The following NELFB variants were observed in gnomAD, a reference collection of about 807,000 sequenced individuals.
NELFB encodes negative elongation factor B.
A neutral mutation model predicts 60.2 loss-of-function variants in NELFB; 34 were observed. The ratio of observed to expected loss-of-function variants is 0.56; its 90% CI spans 0.43 to 0.75. NELFB has a LOEUF of 0.75. NELFB is among the 30% of genes least tolerant of loss of function. The probability of loss-of-function intolerance (pLI) is 0.00; values close to 1 mark genes in which losing one functional copy is unlikely to be tolerated. For missense variants in NELFB, 770 were observed against 831.6 expected (o/e 0.93, Z 0.91); for synonymous variants, 459 against 382.1 (o/e 1.20, Z -2.35).
chr9:137,257,471 C>T (rs371131931), intron 4 of NELFB, among the ~76,000 whole-genome samples: 3 of 151,276 alleles, frequency 2.0e-5, no homozygotes, highest in Admixed American at 6.6e-5. Flanking sequence ...TACAGGCGCC[C>T]GCCACCATGC....
At chr9:137,268,368 G>C (rs1340353462) in intron 10 of NELFB, among the ~76,000 whole-genome samples, 1 of 152,160 alleles carries the variant, frequency 6.6e-6, no homozygotes, top group Non-Finnish European at 1.5e-5. Flanking sequence ...GGCGGATCAC[G>C]AGGTCAGGAG....
At chr9:137,263,314 T>G in intron 5 of NELFB, 92 bp downstream of exon 5, 8 of 965,698 alleles carry the variant, frequency 8.3e-6, no homozygotes, top group Middle Eastern at 3.5e-4. Context: ...CCCTCCCTCC[T>G]TCCCCCACTG....
At chr9:137,256,717 G>A in intron 3 of NELFB, 107 bp from the exon 4 acceptor site, 1 of 1,014,116 alleles carries the variant, frequency 9.9e-7, no homozygotes, top group East Asian at 2.6e-5. Context: ...CCTGTGGGGT[G>A]GAGCTTAGCT....
At chr9:137,270,577 G>T (rs964644495) in intron 10 of NELFB, among the ~76,000 whole-genome samples, 1 of 151,900 alleles carries the variant, frequency 6.6e-6, no homozygotes, top group African/African-American at 2.4e-5. Context: ...GTGACAGAGC[G>T]AGACTCCGTC....
chr9:137,256,055 G>A lies in NELFB; in HGVS notation c.395G>A (p.Gly132Glu), dbSNP rs1297574121. 6 of 1,613,196 alleles carry A rather than the reference G, an allele frequency of 3.7e-6. No individual in the cohort carries two copies. The highest frequency in any genetic ancestry group is 1.3e-5 in the African/African-American group (1 of 74,928). The change falls in exon 2 of 13, where the codon GGG (glycine) becomes GAG (glutamate). Residue 132 changes from glycine (G) to glutamate (E), a missense_variant. Transcript: ENST00000343053. ...CGAGTGTCAGCCATCGCTTCGGAGG[G>A]GAAGGCTGAGGAAAGGTGGGTCAGC...
At chr9:137,270,489 G>A (rs1309889742) in intron 10 of NELFB, among the ~76,000 whole-genome samples, 1 of 150,324 alleles carries the variant, frequency 6.7e-6, no homozygotes, top group Non-Finnish European at 1.5e-5. Context: ...ACTCGGGAGG[G>A]TGAGGCAGGA....
At chr9:137,265,445 G>C (rs936954052) in intron 6 of NELFB, among the ~76,000 whole-genome samples, 3 of 142,956 alleles carry the variant, frequency 2.1e-5, no homozygotes, top group African/African-American at 5.3e-5. Flanking sequence ...CTGGAGTGCA[G>C]TGACGCGATC....
At chr9:137,262,694 C>T (rs751748996) in intron 4 of NELFB, among the ~76,000 whole-genome samples, 1 of 152,102 alleles carries the variant, frequency 6.6e-6, no homozygotes, top group East Asian at 1.9e-4. Context: ...AGTTGGGTGT[C>T]GTGGCATGCA....
At chr9:137,260,452 G>T (rs1447372374) in intron 4 of NELFB, among the ~76,000 whole-genome samples, 12 of 106,032 alleles carry the variant, frequency 1.1e-4, no homozygotes, top group Middle Eastern at 5.9e-3. Flanking sequence ...ATTTTAGTTT[G>T]TTTTATTTTT....
In NELFB at chr9:137,269,211, TC is replaced by T. The variant is rs1830553850; in HGVS notation, c.1489+1866del. 6.6e-6 allele frequency among the ~76,000 whole-genome samples: 1 copy of T among 152,152 alleles called. No individual in the cohort carries two copies. Among genetic ancestry groups the T allele is most frequent in the South Asian group, 2.1e-4 (1 of 4,818 alleles). On this transcript the variant is annotated intron_variant, in intron 10 of 12. Coordinates refer to ENST00000343053, the MANE Select transcript of NELFB (RefSeq NM_015456.5). This position sits in a 1 kb window ranked among gnomAD's most constrained non-coding sequence, Gnocchi z 5.3. ...GGTATTAACCTGTCCCCAGCCATCC[TC>T]TCACTGAGCTTGGGTTGCCTGGGCC...
At chr9:137,261,916 G>C (rs538461490) in intron 4 of NELFB, among the ~76,000 whole-genome samples, 3 of 152,164 alleles carry the variant, frequency 2.0e-5, no homozygotes, top group Admixed American at 2.0e-4. Flanking sequence ...TCCAATGATA[G>C]GTAAGGTCAC....
At position 137,269,818 on chromosome 9, in the gene NELFB, C is replaced by A. The variant is rs1323388143; in HGVS notation, c.1490-2263C>A. Among the ~76,000 whole-genome samples the A allele has an allele frequency of 6.6e-6, 1 of 152,192 alleles. No individual in the cohort carries two copies. Among genetic ancestry groups the A allele is most frequent in the East Asian group, 1.9e-4 (1 of 5,190 alleles). ...TCATTTGATTGTGGCTAGAAACAGG[C>A]TGGGAACCAGGAGTGCAGCTTCTCG... On this transcript the variant is annotated intron_variant, in intron 10 of 12. Transcript: ENST00000343053. The surrounding 1 kb of genome is among the most constrained non-coding windows in gnomAD (Gnocchi z 5.3).
At chr9:137,259,813 C>T (rs185794708) in intron 4 of NELFB, among the ~76,000 whole-genome samples, 3 of 151,174 alleles carry the variant, frequency 2.0e-5, no homozygotes, top group Admixed American at 2.0e-4. Flanking sequence ...CAAGCTCCGC[C>T]TCCCGGGTTC....
chr9:137,268,585 C>G (rs1830546573), intron 10 of NELFB, among the ~76,000 whole-genome samples: 1 of 151,990 alleles, frequency 6.6e-6, no homozygotes, highest in Non-Finnish European at 1.5e-5. Flanking sequence ...GACTCCGTCT[C>G]AAAAAAACAA....
chr9:137,271,836 C>T (rs536338588), intron 10 of NELFB, among the ~76,000 whole-genome samples: 1 of 149,120 alleles, frequency 6.7e-6, no homozygotes, highest in East Asian at 2.0e-4. Context: ...GTCTCCCCCT[C>T]CCTCCACCCT....
chr9:137,257,504 CTTTTT>C (rs56957141), intron 4 of NELFB, among the ~76,000 whole-genome samples: 1 of 121,314 alleles, frequency 8.2e-6, no homozygotes. Context: ...TTTTCTTTTT[CTTTTT>C]TTTTTTTTTT....
Position 137,267,362 on chromosome 9 carries a change from C to T in NELFB, c.1489+16C>T, listed in dbSNP as rs370204762. Reference sequence around the variant, plus strand: ...CCCGGGCTGGGTAAGTCCTGACGGGCGGTGCCTGGCTGTGTCTTCCCTGCG... The same window carrying T: ...CCCGGGCTGGGTAAGTCCTGACGGGTGGTGCCTGGCTGTGTCTTCCCTGCG... On this transcript the variant is annotated intron_variant, in intron 10 of 12. Transcript: ENST00000343053. 43 of 1,586,474 alleles carry T rather than the reference C, an allele frequency of 2.7e-5. No individual in the cohort carries two copies. Among genetic ancestry groups the T allele is most frequent in the Admixed American group, 1.8e-4 (10 of 56,060 alleles).
In NELFB at chr9:137,270,461, AT is replaced by A. The variant is rs558403984; in HGVS notation, c.1490-1619del. On this transcript the variant is annotated intron_variant, in intron 10 of 12. Transcript: ENST00000343053. ...CAGAAATTAGCCGCGTGTGTGACGC[AT>A]GCCTGTAGTCCCAGCTACTCGGGAG... Among the ~76,000 whole-genome samples the A allele has an allele frequency of 2.5e-3, 381 of 150,674 alleles. 3 individuals are homozygous for A. Among genetic ancestry groups the A allele is most frequent in the Middle Eastern group, 7.0e-3 (2 of 286 alleles).
intron 4 of NELFB, among the ~76,000 whole-genome samples, chr9:137,262,309 C>T (rs560699409): frequency 9.2e-5 from 14 of 152,302 alleles, no homozygotes; most frequent in East Asian, 5.8e-4. Context: ...TCACATTTTT[C>T]GCTACCGCTA....
Sources: allele counts gnomAD v4.1 joint callset (sites outside exome capture counted in the v4.1 genomes callset), GRCh38; gene constraint gnomAD v4.1.1; non-coding constraint Gnocchi (gnomAD v3.1); transcripts MANE v1.5; gene names NCBI Gene and HGNC (gene_info 2026-07-23, HGNC 2026-07-21).